Variants in FBXL17 observed in about 807,000 individuals in gnomAD.
The protein encoded by FBXL17 is F-box/LRR-repeat protein 17.
FBXL17 carries 22 observed loss-of-function variants against 66.2 expected under a neutral mutation model. That is an observed-to-expected ratio of 0.33 (90% CI 0.24 to 0.47). The LOEUF (loss-of-function observed/expected upper bound fraction) is 0.47. FBXL17 is among the 20% of genes least tolerant of loss of function. The pLI, the probability that FBXL17 is intolerant of heterozygous loss-of-function variation, is 1.00. For missense variants in FBXL17, 878 were observed against 948.2 expected (o/e 0.93, Z 0.97); for synonymous variants, 474 against 400.5 (o/e 1.18, Z -2.19).
In FBXL17 at chr5:108,202,719, G is replaced by A. The variant is rs566083122; in HGVS notation, c.1615-16472C>T. On this transcript the variant is annotated intron_variant, in intron 5 of 8. Coordinates refer to ENST00000542267, the MANE Select transcript of FBXL17 (RefSeq NM_001163315.3). ...CAGTGCAAGATTTCAACACTACTTA[G>A]AACAGCTGCAATTTAACACTTACTA... Among the ~76,000 whole-genome samples, 8 of 152,204 alleles carry A rather than the reference G, an allele frequency of 5.3e-5. No homozygotes were observed. In the East Asian group the frequency reaches 1.3e-3, roughly 26 times the overall value.
rs1245368301 is a variant in FBXL17, at chr5:108,381,023, G to C, written c.669C>G (p.Gly223=). 1 of 1,188,954 alleles carries C rather than the reference G, an allele frequency of 8.4e-7. No individual in the cohort carries two copies. The highest frequency in any genetic ancestry group is 4.2e-5 in the South Asian group (1 of 23,958). The allele number at this position is 1,188,954 out of a possible 1,614,324, so 73.7% of individuals were successfully genotyped here. A position where few individuals can be genotyped will look rare whatever the true frequency, so the allele number is the denominator to read the frequency against. ...PRCGGGGCGG[G]GGGGGGGGPA... ...GCCCTCCCCCGCCACCGCCGCCGCC[G>C]CCGCCGCCGCAGCCCCCGCCGCCGC... The change falls in exon 1 of 9, where the codon GGC becomes GGG. Residue 223 remains glycine, a synonymous_variant. Coordinates refer to ENST00000542267, the MANE Select transcript of FBXL17 (RefSeq NM_001163315.3).
chr5:108,320,842 A>G (rs1490186872), intron 4 of FBXL17, among the ~76,000 whole-genome samples: 5 of 151,822 alleles, frequency 3.3e-5, no homozygotes, highest in Non-Finnish European at 5.9e-5. Context: ...TTCTTAAAAC[A>G]AATTCGCTTT....
chr5:107,983,153 T>C (rs1339139150), intron 7 of FBXL17, among the ~76,000 whole-genome samples: 3 of 152,162 alleles, frequency 2.0e-5, no homozygotes, highest in African/African-American at 7.2e-5. Context: ...AGATGGGGTG[T>C]TGCCCTGCTG....
intron 6 of FBXL17, among the ~76,000 whole-genome samples, chr5:108,166,434 G>A (rs537851185): frequency 7.9e-5 from 12 of 152,210 alleles, no homozygotes; most frequent in Middle Eastern, 3.4e-3. Flanking sequence ...TCTCATAGAC[G>A]TTTCTAAGCT....
chr5:108,328,478 T>C (rs1166735167), intron 4 of FBXL17, among the ~76,000 whole-genome samples: 2 of 152,036 alleles, frequency 1.3e-5, no homozygotes, highest in Non-Finnish European at 2.9e-5. Flanking sequence ...TCAAAATTTA[T>C]GGCTATTGTT....
intron 5 of FBXL17, among the ~76,000 whole-genome samples, chr5:108,188,453 C>T (rs568146983): frequency 2.6e-5 from 4 of 152,160 alleles, no homozygotes; most frequent in Non-Finnish European, 5.9e-5. Context: ...AAGGAAGTCA[C>T]GTCCAGTCTA....
chr5:108,155,160 C>A (rs1751944734), intron 6 of FBXL17, among the ~76,000 whole-genome samples: 1 of 151,986 alleles, frequency 6.6e-6, no homozygotes, highest in South Asian at 2.1e-4. Context: ...ACAGAAAAAA[C>A]TGAGATATTA....
intron 6 of FBXL17, among the ~76,000 whole-genome samples, chr5:108,123,239 A>T (rs1044513181): frequency 8.6e-5 from 13 of 151,914 alleles, no homozygotes; most frequent in Non-Finnish European, 1.8e-4. Context: ...AATTGCTCAA[A>T]TATCTCTATT....
chr5:108,111,450 C>A (rs943481556), intron 6 of FBXL17, among the ~76,000 whole-genome samples: 2 of 142,324 alleles, frequency 1.4e-5, no homozygotes, highest in Non-Finnish European at 3.1e-5. Flanking sequence ...TAAAACACAT[C>A]ATCATATTCT....
At chr5:108,069,203 C>A (rs149022116) in intron 6 of FBXL17, among the ~76,000 whole-genome samples, 1 of 152,170 alleles carries the variant, frequency 6.6e-6, no homozygotes, top group African/African-American at 2.4e-5. Flanking sequence ...CTAAAATTTA[C>A]AACTGAATCT....
chr5:107,938,842 G>A (rs1750996612), intron 7 of FBXL17, among the ~76,000 whole-genome samples: 1 of 151,828 alleles, frequency 6.6e-6, no homozygotes. Context: ...CTCTTCCATA[G>A]GTTTTGAAAT....
chr5:108,145,336 C>T (rs1751513431), intron 6 of FBXL17, among the ~76,000 whole-genome samples: 1 of 152,168 alleles, frequency 6.6e-6, no homozygotes, highest in African/African-American at 2.4e-5. Flanking sequence ...ACAAGCAGAA[C>T]TGTATTCCCT....
chr5:108,182,550 T>C (rs1753046512), intron 6 of FBXL17, among the ~76,000 whole-genome samples: 1 of 152,216 alleles, frequency 6.6e-6, no homozygotes, highest in Admixed American at 6.5e-5. Context: ...TAAAACTCTA[T>C]TGCTCAACCT....
intron 6 of FBXL17, among the ~76,000 whole-genome samples, chr5:108,077,155 A>G (rs139154697): frequency 0.016 from 2,494 of 152,326 alleles, 30 homozygotes; most frequent in Non-Finnish European, 0.026. Flanking sequence ...TCCTAGCCTC[A>G]CTGATATCAA....
chr5:108,305,977 G>A (rs947305195), intron 4 of FBXL17, among the ~76,000 whole-genome samples: 9 of 152,002 alleles, frequency 5.9e-5, no homozygotes, highest in African/African-American at 2.2e-4. Flanking sequence ...CCCATTAGTA[G>A]AGTCAGATTA....
intron 6 of FBXL17, among the ~76,000 whole-genome samples, chr5:108,047,387 A>G (rs1747294495): frequency 6.6e-6 from 1 of 152,194 alleles, no homozygotes; most frequent in Non-Finnish European, 1.5e-5. Flanking sequence ...GATTCTCAAC[A>G]GCCTCTCAGC....
chr5:107,971,079 C>T (rs1213093967), intron 7 of FBXL17, among the ~76,000 whole-genome samples: 1 of 152,082 alleles, frequency 6.6e-6, no homozygotes, highest in African/African-American at 2.4e-5. Context: ...CAAATTTATT[C>T]CAAAAGGATT....
intron 7 of FBXL17, among the ~76,000 whole-genome samples, chr5:107,936,177 A>T (rs1047516567): frequency 6.6e-6 from 1 of 152,078 alleles, no homozygotes; most frequent in African/African-American, 2.4e-5. Flanking sequence ...GTTTGCATTC[A>T]ATTGCAATAT....
At chr5:108,170,620 G>A (rs1248846375) in intron 6 of FBXL17, among the ~76,000 whole-genome samples, 3 of 151,886 alleles carry the variant, frequency 2.0e-5, no homozygotes, top group South Asian at 2.1e-4. Context: ...TGCAACTTCC[G>A]CTTCCCAGGT....
Sources: gnomAD v4.1 joint callset for allele counts (sites outside exome capture counted in the v4.1 genomes callset) on GRCh38, gnomAD v4.1.1 for gene constraint, MANE v1.5 for transcripts, NCBI Gene and HGNC (gene_info 2026-07-23, HGNC 2026-07-21) for gene names.